The following SMARCA2 variants were observed in gnomAD, a reference collection of about 807,000 sequenced individuals.
The protein encoded by SMARCA2 is SWI/SNF-related matrix-associated actin-dependent regulator of chromatin subfamily A member 2.
Under a neutral mutation model 199.8 loss-of-function variants are expected in SMARCA2, and 61 were observed. That is an observed-to-expected ratio of 0.31 (90% confidence interval 0.25 to 0.38). SMARCA2 has a LOEUF of 0.38. Among genes scored for constraint, SMARCA2 ranks in the 10% least tolerant of loss-of-function variants. The pLI, the probability that SMARCA2 is intolerant of heterozygous loss-of-function variation, is 1.00. For missense variants in SMARCA2, 1,344 were observed against 2,012.2 expected, an observed-to-expected ratio of 0.67 and a Z score of 6.35; for synonymous variants, 935 against 732.0, an observed-to-expected ratio of 1.28 and a Z score of -4.48.
rs1277434730 is a variant in SMARCA2 at position 2,039,673 on chromosome 9, C to T, written c.563C>T (p.Ala188Val). ...QLHQLRAQIL[A>V]YKMLARGQPL... is the part of the protein sequence containing the mutation. ...CATCAGCTTCGAGCTCAGATTTTAG[C>T]TTATAAAATGCTGGCCCGAGGCCAG... Residue 188 changes from alanine to valine, a missense_variant, in exon 4 of 34, where the codon GCT (alanine) becomes GTT (valine). By Grantham distance (64) the Ala-to-Val change is moderately conservative. This residue lies in a region of SMARCA2 where 24 missense variants were observed against 53.7 expected (regional missense o/e 0.45). Coordinates refer to ENST00000349721, the MANE Select transcript of SMARCA2 (RefSeq NM_003070.5). The surrounding 1 kb of genome is among the most constrained non-coding windows in gnomAD (Gnocchi z 4.8). The T allele has an allele frequency of 6.2e-7, 1 of 1,614,024 alleles. No homozygotes were observed. Among genetic ancestry groups the T allele is most frequent in the Non-Finnish European group, 8.5e-7 (1 of 1,180,046 alleles).
chr9:2,135,603 G>A (rs545288432), intron 27 of SMARCA2, among the ~76,000 whole-genome samples: 3 of 152,298 alleles, frequency 2.0e-5, no homozygotes, highest in South Asian at 4.1e-4. Context: ...GTACAGTGGT[G>A]CAATCTTGGC....
At chr9:2,047,131 G>A (rs1346954617) in intron 4 of SMARCA2, 98 bp from the exon 5 acceptor site, 13 of 865,756 alleles carry the variant, frequency 1.5e-5, no homozygotes, top group Non-Finnish European at 1.8e-5. Context: ...GACACTTAAT[G>A]GTCCCCAGCA....
Position 2,017,365 on chromosome 9 carries a change from G to T in SMARCA2, c.-37+1961G>T, listed in dbSNP as rs1424005844. 1.3e-5 allele frequency: 2 copies of T among 152,248 alleles called. No homozygotes were observed. Among genetic ancestry groups the T allele is most frequent in the African/African-American group, 4.8e-5 (2 of 41,362 alleles). 9.4% of individuals were successfully genotyped at this position (152,248 alleles called of 1,614,324 possible). ...CGGCTCCAGCCTCCGCGCCCTCCCGGCCGGCGCGAGTGTGTCTGCGCGTGA... is the reference window on the plus strand; with the variant it reads ...CGGCTCCAGCCTCCGCGCCCTCCCGTCCGGCGCGAGTGTGTCTGCGCGTGA... On this transcript the variant is annotated intron_variant, in intron 1 of 33. Transcript: ENST00000349721. This position sits in a 1 kb window ranked among gnomAD's most constrained non-coding sequence, Gnocchi z 8.8.
intron 27 of SMARCA2, among the ~76,000 whole-genome samples, chr9:2,148,457 A>G (rs1253994328): frequency 6.6e-6 from 1 of 151,454 alleles, no homozygotes; most frequent in Non-Finnish European, 1.5e-5. Flanking sequence ...CATTTCTGGA[A>G]CACATTTTAG....
chr9:2,187,368 CAGAAGTTGAAAA>C lies in SMARCA2; in HGVS notation c.4594+1141_4594+1152del, dbSNP rs1296866748. Among the ~76,000 whole-genome samples the C allele has an allele frequency of 4.6e-5, 7 of 152,238 alleles. No homozygotes were observed. The East Asian group carries it at 1.4e-3, about 29-fold the overall frequency. On this transcript the variant is annotated intron_variant, in intron 32 of 33. Coordinates refer to ENST00000349721, the MANE Select transcript of SMARCA2 (RefSeq NM_003070.5). ...ATATTCCAAAGGTTAAGGGTGCTGT[CAGAAGTTGAAAA>C]TTTCTTCTTAGTGAGGCATGTTGGC...
At chr9:2,067,252 G>A (rs765359100) in intron 9 of SMARCA2, among the ~76,000 whole-genome samples, 3 of 152,208 alleles carry the variant, frequency 2.0e-5, no homozygotes, top group African/African-American at 7.2e-5. Context: ...ATAATTTAAT[G>A]AGCATATGCT....
chr9:2,186,057 C>G, intron 31 of SMARCA2, 39 bp from the exon 32 acceptor site: 1 of 1,601,100 alleles, frequency 6.2e-7, no homozygotes, highest in Non-Finnish European at 8.5e-7. Flanking sequence ...CATGGTAACT[C>G]AGCTTGCAGT....
chr9:2,113,042 T>C lies in SMARCA2; in HGVS notation c.3456+2625T>C, dbSNP rs562892252. On this transcript the variant is annotated intron_variant, in intron 24 of 33. Coordinates refer to ENST00000349721, the MANE Select transcript of SMARCA2 (RefSeq NM_003070.5). ...CTTGCACCCTTGCATATAGATTGTA[T>C]AGCCCCCAAAATGAAAATTGTGAAG... Among the ~76,000 whole-genome samples the C allele has an allele frequency of 3.9e-5, 6 of 152,346 alleles. No individual in the cohort carries two copies. In the East Asian group the frequency reaches 1.2e-3, roughly 29 times the overall value.
chr9:2,192,768 C>T lies in SMARCA2; in HGVS notation c.*29C>T, dbSNP rs758742198. 55 of 1,555,840 alleles carry T rather than the reference C, an allele frequency of 3.5e-5. No homozygotes were observed. The South Asian group carries it at 5.2e-4, about 15-fold the overall frequency. On this transcript the variant is annotated 3_prime_UTR_variant, in exon 34 of 34. Transcript: ENST00000349721. The stretch of plus-strand genomic sequence containing the variant: ...GTATGGACCTTTTTCCTTGGTAGAA[C>T]TGAATTCCTTCCTCCCCTGTCTCAT...
chr9:2,089,382 G>T (rs1821952732), intron 19 of SMARCA2, among the ~76,000 whole-genome samples: 2 of 152,052 alleles, frequency 1.3e-5, no homozygotes, highest in Non-Finnish European at 2.9e-5. Flanking sequence ...GTTGCATGAG[G>T]TATTTTGATT....
At chr9:2,167,197 C>G (rs554403404) in intron 28 of SMARCA2, among the ~76,000 whole-genome samples, 77 of 152,324 alleles carry the variant, frequency 5.1e-4, no homozygotes, top group African/African-American at 1.8e-3. Flanking sequence ...AATTAGTTTG[C>G]AACTGGACAC....
At chr9:2,101,653 G>A in intron 22 of SMARCA2, 37 bp downstream of exon 22, 1 of 1,131,302 alleles carries the variant, frequency 8.8e-7, no homozygotes, top group South Asian at 1.3e-5. Flanking sequence ...AAAAAAAAAT[G>A]TTGTTGGCCT....
chr9:2,047,108 C>T lies in SMARCA2; in HGVS notation c.791-121C>T, dbSNP rs1164490385. ...CTTTTTTTTTTTTTCCTTCTCTTCC[C>T]TCAGGTGTTTAAGACACTTAATGGT... On this transcript the variant is annotated intron_variant, in intron 4 of 33. Transcript: ENST00000349721. 4.8e-5 allele frequency: 34 copies of T among 702,344 alleles called. No homozygotes were observed. In the Middle Eastern group the frequency reaches 2.1e-3, roughly 43 times the overall value. 43.5% of individuals were successfully genotyped at this position (702,344 alleles called of 1,614,324 possible). A position where few individuals can be genotyped will look rare whatever the true frequency, so the allele number is the denominator to read the frequency against.
Position 2,029,139 on chromosome 9 carries a change from C to T in SMARCA2, c.117C>T (p.Ser39=), listed in dbSNP as rs760818868. The T allele has an allele frequency of 3.0e-5, 49 of 1,611,942 alleles. 1 individual carries two copies. The highest frequency in any genetic ancestry group is 6.6e-5 in the South Asian group (6 of 90,440). ...CAGGACCAGGACCATCCCCAGGTTC[C>T]GTCCACAGCATGATGGGGCCAAGTC... ...PSPGPGPSPG[S]VHSMMGPSPG... Residue 39 remains serine, a synonymous_variant, in exon 2 of 34, where the codon TCC becomes TCT. Coordinates refer to ENST00000349721, the MANE Select transcript of SMARCA2 (RefSeq NM_003070.5).
At chr9:2,089,976 T>G (rs1254339791) in intron 19 of SMARCA2, among the ~76,000 whole-genome samples, 1 of 152,208 alleles carries the variant, frequency 6.6e-6, no homozygotes, top group African/African-American at 2.4e-5. Context: ...ATAAGACTTC[T>G]TAATCTTGTT....
intron 7 of SMARCA2, 93 bp from the exon 8 acceptor site, chr9:2,058,198 A>T: frequency 9.2e-7 from 1 of 1,085,434 alleles, no homozygotes; most frequent in East Asian, 2.4e-5. Flanking sequence ...TGTTAAACAC[A>T]CACTGAGAGT....
intron 8 of SMARCA2, 137 bp from the exon 9 acceptor site, chr9:2,060,679 C>T: frequency 1.4e-6 from 1 of 703,340 alleles, no homozygotes; most frequent in Non-Finnish European, 2.4e-6. Flanking sequence ...TGTGCAATGG[C>T]TTGAACAGCC....
chr9:2,131,321 G>C (rs568270045), intron 27 of SMARCA2, among the ~76,000 whole-genome samples: 1 of 152,156 alleles, frequency 6.6e-6, no homozygotes, highest in Non-Finnish European at 1.5e-5. Context: ...CCTTATGTCT[G>C]AATGTGTAGA....
chr9:2,058,280 G>C lies in SMARCA2; in HGVS notation c.1348-11G>C. On this transcript the variant is annotated splice_polypyrimidine_tract_variant and intron_variant, in intron 7 of 33. Coordinates refer to ENST00000349721, the MANE Select transcript of SMARCA2 (RefSeq NM_003070.5). ...TTAAGTATCCTTTTCTTCCCTTTTT[G>C]GATCTTCTAGGAATACCTGAACAGT... 1 of 1,608,750 alleles carries C rather than the reference G, an allele frequency of 6.2e-7. No individual in the cohort carries two copies. Among genetic ancestry groups the C allele is most frequent in the Non-Finnish European group, 8.5e-7 (1 of 1,177,362 alleles).
Sources: gnomAD v4.1 joint callset for allele counts (sites outside exome capture counted in the v4.1 genomes callset) on GRCh38, gnomAD v4.1.1 for gene constraint, gnomAD v4.1.1 regional missense constraint, Gnocchi (gnomAD v3.1) non-coding constraint, MANE v1.5 for transcripts, NCBI Gene and HGNC (gene_info 2026-07-23, HGNC 2026-07-21) for gene names.